The following ATRX variants were observed in gnomAD, a reference collection of about 807,000 sequenced individuals.
The protein encoded by ATRX is chromatin remodeler ATRX.
ATRX carries 12 observed loss-of-function variants against 172.6 expected under a neutral mutation model. The ratio of observed to expected loss-of-function variants is 0.07; its 90% CI spans 0.04 to 0.11. The LOEUF is 0.11. Among genes scored for constraint, ATRX ranks in the 10% least tolerant of loss-of-function variants. The pLI is 1.00. For synonymous variants in ATRX, 674 were observed against 594.7 expected (o/e 1.13, Z -1.94); for missense variants, 1,368 against 1,767.4 (o/e 0.77, Z 4.05).
chrX:77,717,403 G>C (rs998610720), intron 1 of ATRX, among the ~76,000 whole-genome samples, 160 bp from the exon 2 acceptor site: 1 of 111,183 alleles, frequency 9.0e-6, no homozygotes, highest in Middle Eastern at 4.2e-3. Context: ...TGTGGGTGTA[G>C]AAAGAAAAAA....
intron 1 of ATRX, among the ~76,000 whole-genome samples, chrX:77,766,387 G>T (rs2075936332): frequency 9.0e-6 from 1 of 111,282 alleles, no homozygotes; most frequent in African/African-American, 3.3e-5. Flanking sequence ...TCCCAGACGG[G>T]GTGGCAGCGG....
At chrX:77,511,935 A>G (rs888617674) in intron 34 of ATRX, among the ~76,000 whole-genome samples, 1 of 111,796 alleles carries the variant, frequency 8.9e-6, no homozygotes, top group Admixed American at 9.5e-5. Context: ...AGAATTCCCC[A>G]AGCCTAGAGA....
At chrX:77,735,485 G>C (rs933837469) in intron 1 of ATRX, among the ~76,000 whole-genome samples, 1 of 111,000 alleles carries the variant, frequency 9.0e-6, no homozygotes, top group Admixed American at 9.7e-5. Context: ...CCAGCTACTC[G>C]GGAGGCTGAG....
intron 28 of ATRX, among the ~76,000 whole-genome samples, chrX:77,565,816 A>G (rs782578727): frequency 1.2e-4 from 13 of 110,195 alleles, no homozygotes; most frequent in Non-Finnish European, 2.3e-4. Context: ...AAATCTTGCT[A>G]CTGCACTCCA....
At chrX:77,615,665 C>T (rs889376755) in intron 22 of ATRX, among the ~76,000 whole-genome samples, 2 of 111,358 alleles carry the variant, frequency 1.8e-5, no homozygotes, top group East Asian at 5.6e-4. Flanking sequence ...AAAAGCAGTT[C>T]CATAAAATAC....
chrX:77,569,211 A>G (rs906273933), intron 28 of ATRX, among the ~76,000 whole-genome samples: 1 of 111,644 alleles, frequency 9.0e-6, no homozygotes, highest in Admixed American at 9.5e-5. Context: ...TCCTAAGATC[A>G]GGAAGAAGGT....
intron 1 of ATRX, among the ~76,000 whole-genome samples, chrX:77,758,657 C>T (rs1000481892): frequency 9.1e-6 from 1 of 109,898 alleles, no homozygotes; most frequent in Non-Finnish European, 1.9e-5. Context: ...ACTAGGGAGG[C>T]TGAGGCAGGA....
intron 1 of ATRX, among the ~76,000 whole-genome samples, chrX:77,770,542 A>G (rs1014753207): frequency 1.8e-5 from 2 of 111,801 alleles, no homozygotes; most frequent in African/African-American, 6.5e-5. Context: ...CACTTCTGTT[A>G]TTTCTTCCAA....
intron 1 of ATRX, among the ~76,000 whole-genome samples, chrX:77,735,485 G>A (rs933837469): frequency 1.8e-5 from 2 of 111,040 alleles, no homozygotes; most frequent in East Asian, 5.6e-4. Flanking sequence ...CCAGCTACTC[G>A]GGAGGCTGAG....
rs782598442 is a variant in ATRX at position 77,683,138 on chromosome X, A to T, written c.2118T>A (p.Ser706Arg). Residue 706 changes from serine to arginine, a missense_variant, in exon 9 of 35, where the codon AGT (serine) becomes AGA (arginine). By Grantham distance (110) the Ser-to-Arg change is moderately radical. Around this residue, in one of 17 missense-constraint regions of ATRX, gnomAD observed 843 missense variants for 643.1 expected, o/e 1.31. Transcript: ENST00000373344. ...RKKDKRNSSD[S>R]AIDNPKPNKL... ...TATTAGGCTTAGGATTATCTATAGC[A>T]CTGTCAGAAGAATTACGCTTATCCT... is the stretch of plus-strand genomic sequence containing the variant. 1.6e-5 allele frequency: 19 copies of T among 1,210,788 alleles called. No individual in the cohort carries two copies. The East Asian group carries it at 4.7e-4, about 30-fold the overall frequency.
chrX:77,567,910 T>C (rs937497379), intron 28 of ATRX, among the ~76,000 whole-genome samples: 14 of 110,902 alleles, frequency 1.3e-4, no homozygotes, highest in African/African-American at 4.2e-4. Context: ...TCCAAACGCA[T>C]GGAAATTAAA....
chrX:77,697,640 A>T lies in ATRX; in HGVS notation c.190-5T>A. 8.3e-7 allele frequency: 1 copy of T among 1,204,463 alleles called. No individual in the cohort carries two copies. The highest frequency in any genetic ancestry group is 1.1e-6 in the Non-Finnish European group (1 of 889,959). ...TTTTTCTGAAGAGCTAGTTCCCTAG[A>T]TGTGAGACATAAATATAAAAGTGAA... On this transcript the variant is annotated splice_region_variant and splice_polypyrimidine_tract_variant and intron_variant, in intron 3 of 34. Transcript: ENST00000373344.
chrX:77,728,728 A>G (rs2074159531), intron 1 of ATRX, among the ~76,000 whole-genome samples: 1 of 107,358 alleles, frequency 9.3e-6, no homozygotes, highest in Non-Finnish European at 1.9e-5. Flanking sequence ...TTATCTATAC[A>G]AAGAAAGTAA....
At position 77,553,092 on chromosome X, in the gene ATRX, C is replaced by T. The variant is rs782745254; in HGVS notation, c.6699+4359G>A. ...CCTTGAATAAAAGCAGCTTCAAATA[C>T]CAAAAAATCCATCACCATGAATATC... On this transcript the variant is annotated intron_variant, in intron 30 of 34. Transcript: ENST00000373344. Among the ~76,000 whole-genome samples, 318 of 111,511 alleles carry T rather than the reference C, an allele frequency of 2.9e-3. 1 individual carries two copies. Among genetic ancestry groups the T allele is most frequent in the Middle Eastern group, 0.019 (4 of 215 alleles).
intron 34 of ATRX, among the ~76,000 whole-genome samples, chrX:77,513,293 G>A (rs1164288110): frequency 1.0e-5 from 1 of 98,479 alleles, no homozygotes; most frequent in African/African-American, 3.7e-5. Context: ...CTCCAGCCTG[G>A]GCGACAGAGC....
intron 1 of ATRX, among the ~76,000 whole-genome samples, chrX:77,774,298 T>A (rs1296289833): frequency 1.8e-5 from 2 of 111,279 alleles, no homozygotes; most frequent in Non-Finnish European, 3.8e-5. Context: ...AGATGGTAGA[T>A]CAGAAAACAA....
intron 1 of ATRX, among the ~76,000 whole-genome samples, chrX:77,781,170 G>A (rs377517055): frequency 9.3e-6 from 1 of 107,526 alleles, no homozygotes; most frequent in Admixed American, 9.8e-5. Context: ...AGCCGGGCGC[G>A]GTGGCTCACA....
chrX:77,528,878 A>G (rs1202023064), intron 30 of ATRX, among the ~76,000 whole-genome samples: 1 of 112,175 alleles, frequency 8.9e-6, no homozygotes, highest in Non-Finnish European at 1.9e-5. Context: ...GCTAAAAAAA[A>G]GCATGTTTTA....
At chrX:77,775,073 A>G (rs1029632601) in intron 1 of ATRX, among the ~76,000 whole-genome samples, 10 of 111,396 alleles carry the variant, frequency 9.0e-5, no homozygotes, top group African/African-American at 2.9e-4. Flanking sequence ...TACTGGGATC[A>G]TGTAACAGAC....
Sources: gnomAD v4.1 joint callset for allele counts (sites outside exome capture counted in the v4.1 genomes callset) on GRCh38, gnomAD v4.1.1 for gene constraint, gnomAD v4.1.1 regional missense constraint, MANE v1.5 for transcripts, NCBI Gene and HGNC (gene_info 2026-07-23, HGNC 2026-07-21) for gene names.